PIGB: variants seen among roughly 807,000 people sequenced by gnomAD.
PIGB encodes the protein phosphatidylinositol glycan anchor biosynthesis class B, also known as GPI alpha-1,2-mannosyltransferase 3.
In PIGB, 58 loss-of-function variants were observed where a neutral mutation model predicts 68.4. That is an observed-to-expected ratio of 0.85 (90% confidence interval 0.69 to 1.06). The LOEUF is 1.06. PIGB is among the 50% of genes least tolerant of loss of function. The pLI, the probability that PIGB is intolerant of heterozygous loss-of-function variation, is 0.00. For synonymous variants in PIGB, 219 were observed against 220.5 expected (o/e 0.99, Z 0.06); for missense variants, 634 against 655.8 (o/e 0.97, Z 0.36).
chr15:55,332,121 C>T (rs1244895821), intron 5 of PIGB, among the ~76,000 whole-genome samples: 7 of 151,796 alleles, frequency 4.6e-5, no homozygotes, highest in Non-Finnish European at 8.8e-5. Context: ...ACTACAGGCG[C>T]GCACCACCAC....
chr15:55,321,646 CTTTTTTTTTTTT>C (rs966940527), intron 3 of PIGB, among the ~76,000 whole-genome samples: 3 of 68,346 alleles, frequency 4.4e-5, no homozygotes, highest in African/African-American at 1.2e-4. Flanking sequence ...ATACTTCTTT[CTTTTTTTTTTTT>C]TTTTTTTTTT....
At chr15:55,327,665 G>A in intron 4 of PIGB, 30 bp downstream of exon 4, 2 of 1,319,778 alleles carry the variant, frequency 1.5e-6, no homozygotes, top group Admixed American at 3.6e-5. Flanking sequence ...GAAGCTGTAT[G>A]CCAGTTATTT....
intron 9 of PIGB, among the ~76,000 whole-genome samples, chr15:55,349,014 C>A (rs902308523): frequency 2.1e-5 from 3 of 142,092 alleles, no homozygotes; most frequent in African/African-American, 7.8e-5. Flanking sequence ...GGCGTGATCT[C>A]GGCTCACTGC....
intron 10 of PIGB, among the ~76,000 whole-genome samples, chr15:55,353,249 A>C (rs2055963265): frequency 6.6e-6 from 1 of 152,252 alleles, no homozygotes; most frequent in African/African-American, 2.4e-5. Flanking sequence ...AGTAGAGAGC[A>C]ACATCTGTCC....
chr15:55,340,002 A>G (rs1043922451), intron 7 of PIGB: 8 of 152,350 alleles, frequency 5.3e-5, no homozygotes, highest in Admixed American at 5.2e-4. Flanking sequence ...AGCCATCTGT[A>G]CCCCAAAAAC....
At chr15:55,320,213 G>T in intron 1 of PIGB, 62 bp from the exon 2 acceptor site, 1 of 1,542,632 alleles carries the variant, frequency 6.5e-7, no homozygotes, top group Non-Finnish European at 8.8e-7. Context: ...CAGATTTTAA[G>T]TTTTGCAAGT....
Position 55,344,923 on chromosome 15 carries a change from TCTC to T in PIGB, c.1123+3122_1123+3124del, listed in dbSNP as rs1266851970. On this transcript the variant is annotated intron_variant, in intron 9 of 11. Coordinates refer to ENST00000164305, the MANE Select transcript of PIGB (RefSeq NM_004855.5). The stretch of plus-strand genomic sequence containing the variant: ...TTTTTTTTTTTTTTTTGAGACAGAG[TCTC>T]TCTCTGTCGCCCATGCTGGAGTGCA... Among the ~76,000 whole-genome samples, 606 of 139,940 alleles carry T rather than the reference TCTC, an allele frequency of 4.3e-3. 9 individuals are homozygous for T. Among genetic ancestry groups the T allele is most frequent in the African/African-American group, 0.015 (580 of 37,680 alleles). The allele number at this position is 139,940 out of a possible 152,430, so 91.8% of individuals were successfully genotyped here.
intron 9 of PIGB, among the ~76,000 whole-genome samples, chr15:55,343,731 T>TAG (rs1443558941): frequency 6.6e-6 from 1 of 152,142 alleles, no homozygotes. Flanking sequence ...TCTGTCTACT[T>TAG]AGAAGGATCC....
chr15:55,352,943 T>C (rs894717621), intron 10 of PIGB, among the ~76,000 whole-genome samples: 1 of 152,128 alleles, frequency 6.6e-6, no homozygotes, highest in Non-Finnish European at 1.5e-5. Context: ...ATATACAGTT[T>C]AGAAAAATGG....
In PIGB at chr15:55,340,498, T is replaced by A. The variant is rs759242789; in HGVS notation, c.847-114T>A. 27 of 617,540 alleles carry A rather than the reference T, an allele frequency of 4.4e-5. 1 individual carries two copies. The South Asian group carries it at 5.2e-4, about 12-fold the overall frequency. The allele number at this position is 617,540 out of a possible 1,614,324, so 38.3% of individuals were successfully genotyped here. A position where few individuals can be genotyped will look rare whatever the true frequency, so the allele number is the denominator to read the frequency against. ...AAAATTATTAATGTAAACTATTGCC[T>A]GGTTTTTAGACTTCAATTCTGATTT... is the stretch of plus-strand genomic sequence containing the variant. On this transcript the variant is annotated intron_variant, in intron 7 of 11. Transcript: ENST00000164305.
Position 55,350,615 on chromosome 15 carries a change from T to C in PIGB, c.1124-84T>C, listed in dbSNP as rs980322856. ...TAACAGTATTACAGTTTTTGCTATT[T>C]CCATTAAAAATTACAGATGTATTTG... On this transcript the variant is annotated intron_variant, in intron 9 of 11. Transcript: ENST00000164305. The C allele has an allele frequency of 3.6e-6, 3 of 840,254 alleles. No homozygotes were observed. The African/African-American group carries it at 5.1e-5, about 14-fold the overall frequency. The allele number at this position is 840,254 out of a possible 1,614,324, so 52.0% of individuals were successfully genotyped here.
chr15:55,336,770 C>G (rs562147846), intron 6 of PIGB, among the ~76,000 whole-genome samples: 37 of 152,244 alleles, frequency 2.4e-4, no homozygotes, highest in South Asian at 2.1e-4. Flanking sequence ...GGCACATCAC[C>G]TGAGGTCAGG....
chr15:55,344,868 C>G (rs1320705607), intron 9 of PIGB, among the ~76,000 whole-genome samples: 1 of 143,336 alleles, frequency 7.0e-6, no homozygotes, highest in Non-Finnish European at 1.5e-5. Context: ...TACTGGGCCA[C>G]TTTGTTTTTC....
chr15:55,339,327 A>G lies in PIGB; in HGVS notation c.846+9A>G. 6.6e-7 allele frequency: 1 copy of G among 1,509,518 alleles called. No homozygotes were observed. Among genetic ancestry groups the G allele is most frequent in the Non-Finnish European group, 9.0e-7 (1 of 1,108,992 alleles). 93.5% of individuals were successfully genotyped at this position (1,509,518 alleles called of 1,614,324 possible). A position where few individuals can be genotyped will look rare whatever the true frequency, so the allele number is the denominator to read the frequency against. Reference sequence around the variant, plus strand: ...GTATTTTTTTTGGCCAAGTAAGTAAAAGTATATTAAGCTAACAGCTATTTT... The same window carrying G: ...GTATTTTTTTTGGCCAAGTAAGTAAGAGTATATTAAGCTAACAGCTATTTT... On this transcript the variant is annotated intron_variant, in intron 7 of 11. Transcript: ENST00000164305.
intron 1 of PIGB, chr15:55,319,862 A>C: frequency 5.6e-6 from 1 of 178,942 alleles, no homozygotes; most frequent in South Asian, 1.2e-4. Context: ...TATAATAGTA[A>C]TCATCAATAT....
intron 5 of PIGB, among the ~76,000 whole-genome samples, chr15:55,330,468 A>G (rs924575437): frequency 1.3e-5 from 2 of 152,186 alleles, no homozygotes; most frequent in Non-Finnish European, 2.9e-5. Flanking sequence ...GGAAACAAAT[A>G]CCACGCAATG....
At chr15:55,353,119 CTTT>C (rs2055959667) in intron 10 of PIGB, among the ~76,000 whole-genome samples, 1 of 152,150 alleles carries the variant, frequency 6.6e-6, no homozygotes, top group Admixed American at 6.6e-5. Context: ...CCAAGATGTT[CTTT>C]ATACTTAACT....
intron 10 of PIGB, among the ~76,000 whole-genome samples, chr15:55,352,269 C>G (rs773963964): frequency 2.6e-4 from 39 of 152,164 alleles, no homozygotes; most frequent in Non-Finnish European, 5.6e-4. Flanking sequence ...TTTTTAATCT[C>G]TTTGGACATC....
intron 9 of PIGB, among the ~76,000 whole-genome samples, chr15:55,347,217 T>G (rs1020299431): frequency 6.6e-6 from 1 of 152,140 alleles, no homozygotes; most frequent in African/African-American, 2.4e-5. Context: ...GCAGATCACC[T>G]GAGTTTGAGA....
Sources: gnomAD v4.1 joint callset for allele counts (sites outside exome capture counted in the v4.1 genomes callset) on GRCh38, gnomAD v4.1.1 for gene constraint, MANE v1.5 for transcripts, NCBI Gene and HGNC (gene_info 2026-07-23, HGNC 2026-07-21) for gene names.